The following NRAP variants were observed in gnomAD, a reference collection of about 807,000 sequenced individuals.
NRAP encodes nebulin-related-anchoring protein.
Under a neutral mutation model 225.9 loss-of-function variants are expected in NRAP, and 189 were observed. The observed-to-expected ratio is 0.84, with a 90% CI of 0.74 to 0.94. The LOEUF is 0.94. Among genes scored for constraint, NRAP ranks in the 40% least tolerant of loss-of-function variants. The probability of loss-of-function intolerance (pLI) is 0.00; values close to 1 mark genes in which losing one functional copy is unlikely to be tolerated. For missense variants in NRAP, 2,176 were observed against 2,168.7 expected, an observed-to-expected ratio of 1.00 and a Z score of -0.07; for synonymous variants, 769 against 790.7, an observed-to-expected ratio of 0.97 and a Z score of 0.46.
rs376117003 is a variant in NRAP at position 113,648,707 on chromosome 10, C to G, written c.888+1330G>C. 4.6e-5 allele frequency among the ~76,000 whole-genome samples: 7 copies of G among 152,222 alleles called. No homozygotes were observed. The South Asian group carries it at 1.5e-3, about 32-fold the overall frequency. ...TAAATCACAACAGTGAAATGCCATG[C>G]TAGACTGAGTCCTCTCAACAGCTGC... On this transcript the variant is annotated intron_variant, in intron 9 of 41. Transcript: ENST00000359988.
chr10:113,603,406 G>A (rs1846728819), intron 35 of NRAP, among the ~76,000 whole-genome samples: 1 of 152,020 alleles, frequency 6.6e-6, no homozygotes, highest in Admixed American at 6.5e-5. Flanking sequence ...GCTGTGAGGG[G>A]CATGGCTCCC....
chr10:113,613,634 T>G (rs560602210), intron 29 of NRAP, among the ~76,000 whole-genome samples: 1 of 152,144 alleles, frequency 6.6e-6, no homozygotes, highest in South Asian at 2.1e-4. Context: ...ACAGGGTCAT[T>G]GCAAACTCAG....
Position 113,604,639 on chromosome 10 carries a change from C to G in NRAP, c.4197G>C (p.Trp1399Cys), listed in dbSNP as rs777578966. The G allele has an allele frequency of 2.5e-6, 4 of 1,614,026 alleles. No homozygotes were observed. The highest frequency in any genetic ancestry group is 3.4e-6 in the Non-Finnish European group (4 of 1,179,926). ...TCTGCAGGGCATGGGCTTTCTTGGCCCAGGCCATCTTCAGGTCCTCGGGCA... is the reference window on the plus strand; with the variant it reads ...TCTGCAGGGCATGGGCTTTCTTGGCGCAGGCCATCTTCAGGTCCTCGGGCA... ...TALPEDLKMA[W>C]AKKAHALQSE... is the part of the protein sequence containing the mutation. The change falls in exon 35 of 42, where the codon TGG (tryptophan) becomes TGC (cysteine). Residue 1399 changes from tryptophan to cysteine, a missense_variant. Trp to Cys is a radical substitution (Grantham distance 215, BLOSUM62 -2). Transcript: ENST00000359988.
At chr10:113,618,051 A>G (rs2133965028) in intron 25 of NRAP, among the ~76,000 whole-genome samples, 1 of 152,224 alleles carries the variant, frequency 6.6e-6, no homozygotes, top group Non-Finnish European at 1.5e-5. Flanking sequence ...AGCCTAGTTC[A>G]GTTAACACAG....
In NRAP at chr10:113,595,549, A is replaced by C. The variant is rs554105499; in HGVS notation, c.4536+74T>G. The stretch of plus-strand genomic sequence containing the variant: ...CTTCCTAGAACTTTTTTTTTTAAAA[A>C]AACGAAATCCACATTGGGCACAGAT... On this transcript the variant is annotated intron_variant, in intron 38 of 41. Transcript: ENST00000359988. 4.7e-5 allele frequency: 45 copies of C among 954,958 alleles called. No individual in the cohort carries two copies. In the African/African-American group the frequency reaches 7.1e-4, roughly 15 times the overall value. 59.2% of individuals were successfully genotyped at this position (954,958 alleles called of 1,614,324 possible). A position where few individuals can be genotyped will look rare whatever the true frequency, so the allele number is the denominator to read the frequency against.
intron 28 of NRAP, 129 bp downstream of exon 28, chr10:113,614,710 G>C: frequency 1.5e-6 from 1 of 655,842 alleles, no homozygotes; most frequent in Non-Finnish European, 2.8e-6. Context: ...TTATCTGATT[G>C]CCCTGACACA....
At chr10:113,619,800 C>T (rs899324549) in intron 25 of NRAP, among the ~76,000 whole-genome samples, 4 of 152,082 alleles carry the variant, frequency 2.6e-5, no homozygotes, top group Non-Finnish European at 4.4e-5. Context: ...ATAAAGAGCA[C>T]GGGTGTGAGT....
rs367757968 is a variant in NRAP at position 113,603,192 on chromosome 10, G to A, written c.4227+1417C>T. On this transcript the variant is annotated intron_variant, in intron 35 of 41. Transcript: ENST00000359988. ...CATTATCGTCATGTTCCATGCCATC[G>A]TTACCATGCCTGCGGCTTGGAGAGG... Among the ~76,000 whole-genome samples, 23 of 152,282 alleles carry A rather than the reference G, an allele frequency of 1.5e-4. No homozygotes were observed. In the East Asian group the frequency reaches 1.5e-3, roughly 10 times the overall value.
At chr10:113,634,001 G>GTC (rs1848716791) in intron 15 of NRAP, 111 bp downstream of exon 15, 2 of 734,374 alleles carry the variant, frequency 2.7e-6, no homozygotes. Flanking sequence ...GCTGTAATAA[G>GTC]ACATGTGTCA....
Position 113,592,193 on chromosome 10 carries a change from C to G in NRAP, c.4644+1G>C. The G allele has an allele frequency of 1.3e-6, 2 of 1,593,130 alleles. No individual in the cohort carries two copies. Among genetic ancestry groups the G allele is most frequent in the Non-Finnish European group, 1.7e-6 (2 of 1,164,114 alleles). ...CGCAGGAGAGAACATGGGGGTCTTA[C>G]ATCACTGGCGATCTCCCTAGATGCC... On this transcript the variant is annotated splice_donor_variant, in intron 39 of 41. Transcript: ENST00000359988. LOFTEE classifies it high-confidence loss of function.
intron 15 of NRAP, 65 bp downstream of exon 15, chr10:113,634,047 T>C (rs919233017): frequency 2.2e-5 from 22 of 1,002,868 alleles, no homozygotes; most frequent in East Asian, 1.2e-4. Flanking sequence ...AGGTCAGATG[T>C]CCAGAGGCCT....
Position 113,595,703 on chromosome 10 carries a change from C to G in NRAP, c.4456G>C (p.Glu1486Gln), listed in dbSNP as rs545518708. The change falls in exon 38 of 42, where the codon GAA becomes CAA. Residue 1486 changes from glutamate (E) to glutamine (Q), a missense_variant. Physicochemically the swap from Glu to Gln is conservative, Grantham distance 29. Coordinates refer to ENST00000359988, the MANE Select transcript of NRAP (RefSeq NM_198060.4). Reference protein sequence around the residue: ...NERMYRSGDAESLHRYTLIPD... With the variant: ...NERMYRSGDAQSLHRYTLIPD... ...ATCAGGGTGTATCTGTGCAGGGATT[C>G]TGCATCTCCAGATCTATACATGCGC... 1.2e-6 allele frequency: 2 copies of G among 1,613,304 alleles called. No individual in the cohort carries two copies. Among genetic ancestry groups the G allele is most frequent in the African/African-American group, 2.7e-5 (2 of 74,902 alleles).
At chr10:113,611,152 G>A (rs1354213098) in intron 30 of NRAP, among the ~76,000 whole-genome samples, 32 of 152,012 alleles carry the variant, frequency 2.1e-4, no homozygotes, top group Non-Finnish European at 1.9e-4. Flanking sequence ...CCTTCCAATC[G>A]CTATCACAAC....
rs780023338 is a variant in NRAP at position 113,622,205 on chromosome 10, A to T, written c.2458-25T>A. 4.6e-6 allele frequency: 7 copies of T among 1,529,494 alleles called. No individual in the cohort carries two copies. In the African/African-American group the frequency reaches 8.2e-5, roughly 18 times the overall value. The allele number at this position is 1,529,494 out of a possible 1,614,324, so 94.7% of individuals were successfully genotyped here. ...CCTAAATAAGAGGAATAGAGCAGGG[A>T]TACATTAGAACCTCCTAAAGGAATT... On this transcript the variant is annotated intron_variant, in intron 23 of 41. Coordinates refer to ENST00000359988, the MANE Select transcript of NRAP (RefSeq NM_198060.4).
In NRAP at chr10:113,590,593, G is replaced by A. The variant is rs368811121; in HGVS notation, c.4941C>T (p.His1647=). The part of the protein sequence containing the change: ...QLGLRHAQKA[H]QLQSDVKYKS... ...GGTGGCTCACATCACTCTGCAGCTGGTGGGCCTTCTGAGCATGCCTGAGGC... is the reference window on the plus strand; with the variant it reads ...GGTGGCTCACATCACTCTGCAGCTGATGGGCCTTCTGAGCATGCCTGAGGC... The change falls in exon 40 of 42, where the codon CAC becomes CAT. Residue 1647 remains histidine (H), a synonymous_variant. Coordinates refer to ENST00000359988, the MANE Select transcript of NRAP (RefSeq NM_198060.4). The A allele has an allele frequency of 2.1e-5, 34 of 1,611,540 alleles. No individual in the cohort carries two copies. Among genetic ancestry groups the A allele is most frequent in the Admixed American group, 1.5e-4 (9 of 59,992 alleles).
At chr10:113,635,306 G>T (rs2134060449) in intron 14 of NRAP, among the ~76,000 whole-genome samples, 1 of 152,336 alleles carries the variant, frequency 6.6e-6, no homozygotes, top group South Asian at 2.1e-4. Context: ...AGGCGATAAG[G>T]CGTGAGGCAC....
chr10:113,588,837 A>AGAGT lies in NRAP; in HGVS notation c.*134_*137dup, dbSNP rs1433696415. 1.2e-5 allele frequency: 8 copies of AGAGT among 692,894 alleles called. No individual in the cohort carries two copies. The highest frequency in any genetic ancestry group is 2.1e-5 in the Non-Finnish European group (8 of 387,968). 42.9% of individuals were successfully genotyped at this position (692,894 alleles called of 1,614,324 possible). ...AATACAACATTCTCCATCTGCTTTC[A>AGAGT]GAGTTATTATTTTAATAAAGGAAGA... On this transcript the variant is annotated 3_prime_UTR_variant, in exon 42 of 42. Coordinates refer to ENST00000359988, the MANE Select transcript of NRAP (RefSeq NM_198060.4).
chr10:113,606,328 G>T, intron 32 of NRAP, 46 bp from the exon 33 acceptor site: 1 of 1,233,046 alleles, frequency 8.1e-7, no homozygotes, highest in South Asian at 1.2e-5. Flanking sequence ...GATAAGTGCT[G>T]TGCATTTCTG....
rs1848477949 is a variant in NRAP at position 113,629,714 on chromosome 10, C to T, written c.1914G>A (p.Arg638=). 6.2e-7 allele frequency: 1 copy of T among 1,613,874 alleles called. No homozygotes were observed. ...FHLPMDMVNI[R]HAKKAQTLAS... ...CGAGAGTTTGGGCCTTCTTAGCATG[C>T]CTGATGTTTACCATATCCATGGGCA... Residue 638 remains arginine, a synonymous_variant, in exon 19 of 42, where the codon AGG becomes AGA. Coordinates refer to ENST00000359988, the MANE Select transcript of NRAP (RefSeq NM_198060.4).
Sources: gnomAD v4.1 joint callset for allele counts (sites outside exome capture counted in the v4.1 genomes callset) on GRCh38, gnomAD v4.1.1 for gene constraint, MANE v1.5 for transcripts, NCBI Gene and HGNC (gene_info 2026-07-23, HGNC 2026-07-21) for gene names.